Variants in NAV3 observed in about 807,000 individuals in gnomAD.
NAV3 encodes neuron navigator 3.
In NAV3, 87 loss-of-function variants were observed where a neutral mutation model predicts 244.7. The observed-to-expected ratio is 0.36, with a 90% confidence interval of 0.30 to 0.42. NAV3 has a LOEUF of 0.42. NAV3 is among the 20% of genes least tolerant of loss of function. NAV3 has a pLI of 1.00. For synonymous variants in NAV3, 1,126 were observed against 1,042.2 expected (o/e 1.08, Z -1.55); for missense variants, 2,663 against 2,893.3 (o/e 0.92, Z 1.83).
rs1435691613 is a variant in NAV3, at chr12:78,188,757, T to C, written c.6035T>C (p.Ile2012Thr). 6.2e-7 allele frequency: 1 copy of C among 1,611,758 alleles called. No homozygotes were observed. The highest frequency in any genetic ancestry group is 2.2e-5 in the East Asian group (1 of 44,774). Reference sequence around the variant, plus strand: ...GGATACCTTGTTGGAGATAATAACATCATCACTGTGAACCTCAAAGGTAAA... The same window carrying C: ...GGATACCTTGTTGGAGATAATAACACCATCACTGTGAACCTCAAAGGTAAA... ...PCGYLVGDNN[I>T]ITVNLKGVEE... The change falls in exon 33 of 40, where the codon ATC (isoleucine) becomes ACC (threonine). Residue 2012 changes from isoleucine (I) to threonine (T), a missense_variant. Transcript: ENST00000397909.
intron 1 of NAV3, among the ~76,000 whole-genome samples, chr12:77,835,398 C>G (rs1195338818): frequency 6.6e-6 from 1 of 152,134 alleles, no homozygotes; most frequent in Non-Finnish European, 1.5e-5. Context: ...CTCTGCTAGT[C>G]CTTGTACCAA....
intron 2 of NAV3, among the ~76,000 whole-genome samples, chr12:77,723,438 T>C (rs1297591459): frequency 6.6e-6 from 1 of 152,024 alleles, no homozygotes; most frequent in East Asian, 1.9e-4. Flanking sequence ...TTAGACTACA[T>C]GGAGCCACTG....
chr12:77,901,583 G>A (rs951701085), intron 1 of NAV3, among the ~76,000 whole-genome samples: 3 of 152,112 alleles, frequency 2.0e-5, no homozygotes, highest in Admixed American at 1.3e-4. Flanking sequence ...GGTGACAGGT[G>A]CCTGTAATCC....
At chr12:77,822,738 C>G (rs1288898124) in intron 2 of NAV3, among the ~76,000 whole-genome samples, 2 of 151,992 alleles carry the variant, frequency 1.3e-5, no homozygotes, top group Non-Finnish European at 2.9e-5. Context: ...ACAATCTATT[C>G]AAATCATTCA....
rs980025835 is a variant in NAV3, at chr12:78,117,056, C to T, written c.2769+152C>T. On this transcript the variant is annotated intron_variant, in intron 13 of 39. Transcript: ENST00000397909. ...GATAATAAGGACTCCCTTTGCCACT[C>T]CTGAACCCTGAAGCATCTTTCATCT... The T allele has an allele frequency of 6.0e-4, 483 of 808,004 alleles. 5 individuals are homozygous for T. Among genetic ancestry groups the T allele is most frequent in the Non-Finnish European group, 8.6e-5 (47 of 549,400 alleles). 50.1% of individuals were successfully genotyped at this position (808,004 alleles called of 1,614,324 possible).
intron 2 of NAV3, among the ~76,000 whole-genome samples, chr12:77,577,440 T>G (rs1053230119): frequency 6.6e-6 from 1 of 152,114 alleles, no homozygotes; most frequent in African/African-American, 2.4e-5. Flanking sequence ...TTTGAAGTAT[T>G]TGGACTTGGT....
chr12:77,708,697 G>A (rs1475402521), intron 2 of NAV3, among the ~76,000 whole-genome samples: 1 of 152,132 alleles, frequency 6.6e-6, no homozygotes, highest in African/African-American at 2.4e-5. Context: ...CATGAGCATG[G>A]AATGTTCTTC....
At chr12:78,112,352 G>A (rs1054471657) in intron 12 of NAV3, among the ~76,000 whole-genome samples, 9 of 152,128 alleles carry the variant, frequency 5.9e-5, no homozygotes. Context: ...CTATTTTTGG[G>A]TGGTAAAGGT....
Position 78,174,875 on chromosome 12 carries a change from C to T in NAV3, c.4982-431C>T, listed in dbSNP as rs575305309. ...GATTCTATGAAATGGAAAGTTAATA[C>T]ATTTGGCTCTAGTAACTGTATTTGA... is the stretch of plus-strand genomic sequence containing the variant. On this transcript the variant is annotated intron_variant, in intron 24 of 39. Transcript: ENST00000397909. 4.6e-5 allele frequency among the ~76,000 whole-genome samples: 7 copies of T among 152,094 alleles called. No homozygotes were observed. In the South Asian group the frequency reaches 1.5e-3, roughly 32 times the overall value.
At chr12:77,777,210 A>C (rs1331770572) in intron 2 of NAV3, among the ~76,000 whole-genome samples, 2 of 152,210 alleles carry the variant, frequency 1.3e-5, no homozygotes, top group African/African-American at 4.8e-5. Context: ...AATTTATAAC[A>C]TAGGCATACT....
chr12:78,060,548 C>T (rs373925081), intron 12 of NAV3, among the ~76,000 whole-genome samples: 5 of 151,988 alleles, frequency 3.3e-5, no homozygotes, highest in South Asian at 2.1e-4. Flanking sequence ...ATATTCTTTA[C>T]GTGTTGAGTT....
chr12:77,656,451 C>T (rs1206619913), intron 2 of NAV3, among the ~76,000 whole-genome samples: 8 of 121,010 alleles, frequency 6.6e-5, no homozygotes. Flanking sequence ...CACCCAGATT[C>T]ATAAAGCAAG....
At chr12:77,762,723 TTTGTTGTTGTTGTTGTTG>T (rs5799344) in intron 2 of NAV3, among the ~76,000 whole-genome samples, 1 of 150,718 alleles carries the variant, frequency 6.6e-6, no homozygotes, top group Non-Finnish European at 1.5e-5. Flanking sequence ...TCATGGGTTT[TTTGTTGTTGTTGTTGTTG>T]TTGTTGTTGT....
At chr12:77,685,488 C>CACACACAA (rs1555194562) in intron 2 of NAV3, among the ~76,000 whole-genome samples, 7 of 150,440 alleles carry the variant, frequency 4.7e-5, no homozygotes, top group African/African-American at 1.5e-4. Context: ...CACACACACA[C>CACACACAA]ACACACACAC....
intron 22 of NAV3, among the ~76,000 whole-genome samples, chr12:78,157,791 G>GAC (rs986199985): frequency 4.0e-5 from 6 of 151,718 alleles, no homozygotes; most frequent in African/African-American, 1.5e-4. Context: ...TTGTGTGAGA[G>GAC]AGAGAGAGAG....
At chr12:78,198,294 G>A (rs991942128) in intron 35 of NAV3, among the ~76,000 whole-genome samples, 1 of 151,790 alleles carries the variant, frequency 6.6e-6, no homozygotes, top group African/African-American at 2.4e-5. Flanking sequence ...AGCATTATAA[G>A]ATGTTAGAGT....
chr12:77,609,858 ATAT>A (rs1870835456), intron 2 of NAV3, among the ~76,000 whole-genome samples: 1 of 151,948 alleles, frequency 6.6e-6, no homozygotes, highest in Non-Finnish European at 1.5e-5. Context: ...CTTTCTTATC[ATAT>A]TATCACATAC....
chr12:78,009,148 T>A (rs1874775514), intron 8 of NAV3, among the ~76,000 whole-genome samples: 1 of 152,166 alleles, frequency 6.6e-6, no homozygotes, highest in South Asian at 2.1e-4. Context: ...GGTTTCCATT[T>A]GAAAATGTAA....
At chr12:77,969,490 T>C (rs1403896619) in intron 5 of NAV3, among the ~76,000 whole-genome samples, 1 of 152,096 alleles carries the variant, frequency 6.6e-6, no homozygotes, top group Non-Finnish European at 1.5e-5. Context: ...TCATCATGAG[T>C]TGAAATTGCA....
Sources: allele counts gnomAD v4.1 joint callset (sites outside exome capture counted in the v4.1 genomes callset), GRCh38; gene constraint gnomAD v4.1.1; transcripts MANE v1.5; gene names NCBI Gene and HGNC (gene_info 2026-07-23, HGNC 2026-07-21).